Variants in AGMO observed in about 807,000 individuals in gnomAD.
The protein encoded by AGMO is alkylglycerol monooxygenase, also known as glyceryl-ether monooxygenase.
Under a neutral mutation model 60.2 loss-of-function variants are expected in AGMO, and 75 were observed. That is an observed-to-expected ratio of 1.25 (90% CI 1.03 to 1.51). The LOEUF (loss-of-function observed/expected upper bound fraction) is 1.51, where lower values mean the gene tolerates loss of function less well. AGMO is among the 40% of genes most tolerant of loss of function. The probability of loss-of-function intolerance (pLI) is 0.00; values close to 1 mark genes in which losing one functional copy is unlikely to be tolerated. For missense variants in AGMO, 763 were observed against 525.5 expected (o/e 1.45, Z -4.42); for synonymous variants, 261 against 177.1 (o/e 1.47, Z -3.76).
intron 10 of AGMO, among the ~76,000 whole-genome samples, chr7:15,382,607 G>A (rs947246923): frequency 1.3e-5 from 2 of 152,144 alleles, no homozygotes; most frequent in African/African-American, 4.8e-5. Context: ...AAGCTGTAAG[G>A]GCAGGATGAC....
intron 2 of AGMO, among the ~76,000 whole-genome samples, chr7:15,558,807 C>T (rs1562573503): frequency 6.6e-6 from 1 of 151,756 alleles, no homozygotes; most frequent in South Asian, 2.1e-4. Flanking sequence ...ATTATTCCAC[C>T]TTTTTTAGAT....
chr7:15,118,209 C>T, the AGMO span, among the ~76,000 whole-genome samples: 16 of 149,358 alleles, frequency 1.1e-4, no homozygotes, highest in South Asian at 4.2e-4. Flanking sequence ...CACACACACA[C>T]ATATATACAA....
intron 12 of AGMO, among the ~76,000 whole-genome samples, chr7:15,283,898 G>A (rs371882981): frequency 1.3e-5 from 2 of 151,900 alleles, no homozygotes; most frequent in South Asian, 2.1e-4. Flanking sequence ...GACCACAGTG[G>A]AATAAAACTA....
chr7:15,536,398 T>A (rs759822114), intron 3 of AGMO, among the ~76,000 whole-genome samples: 1 of 151,966 alleles, frequency 6.6e-6, no homozygotes, highest in African/African-American at 2.4e-5. Context: ...TTTACCAGCA[T>A]CATCATTTCA....
At chr7:15,435,366 C>A (rs1014343558) in intron 3 of AGMO, among the ~76,000 whole-genome samples, 1 of 151,574 alleles carries the variant, frequency 6.6e-6, no homozygotes, top group Non-Finnish European at 1.5e-5. Context: ...AGTTGCTCCA[C>A]ATCTCTGGCA....
At chr7:15,279,564 T>C (rs1258491975) in intron 12 of AGMO, among the ~76,000 whole-genome samples, 1 of 152,096 alleles carries the variant, frequency 6.6e-6, no homozygotes, top group Non-Finnish European at 1.5e-5. Flanking sequence ...AATGTTAACA[T>C]GCCCCTCCAA....
chr7:15,246,946 C>T (rs531850483), intron 12 of AGMO, among the ~76,000 whole-genome samples: 3 of 152,200 alleles, frequency 2.0e-5, no homozygotes, highest in Admixed American at 1.3e-4. Flanking sequence ...GCTGGGATTA[C>T]AGGCATGCAC....
chr7:15,371,803 C>G (rs1264681225), intron 10 of AGMO, among the ~76,000 whole-genome samples: 1 of 152,086 alleles, frequency 6.6e-6, no homozygotes, highest in African/African-American at 2.4e-5. Flanking sequence ...TCCCAATGTA[C>G]TGGGATTTAT....
At chr7:15,380,847 G>T (rs528081473) in intron 10 of AGMO, among the ~76,000 whole-genome samples, 91 of 152,188 alleles carry the variant, frequency 6.0e-4, no homozygotes, top group African/African-American at 1.9e-3. Context: ...TAGACCAATG[G>T]AACAGAACAG....
chr7:15,211,227 T>A (rs1195478974), intron 12 of AGMO, among the ~76,000 whole-genome samples: 3 of 152,036 alleles, frequency 2.0e-5, no homozygotes, highest in East Asian at 1.9e-4. Context: ...CTTACTTTTT[T>A]AAATTATAAA....
chr7:15,488,399 C>G (rs186862694), intron 3 of AGMO, among the ~76,000 whole-genome samples: 110 of 152,266 alleles, frequency 7.2e-4, no homozygotes, highest in Non-Finnish European at 2.5e-4. Context: ...GAGAAACACA[C>G]TAAAGCACAT....
chr7:15,373,915 A>C (rs565612746), intron 10 of AGMO, among the ~76,000 whole-genome samples: 1 of 152,326 alleles, frequency 6.6e-6, no homozygotes, highest in African/African-American at 2.4e-5. Context: ...AATGAGGCTA[A>C]TATTGCCTAA....
chr7:15,330,758 T>A (rs1173839787), intron 12 of AGMO, among the ~76,000 whole-genome samples: 1 of 152,174 alleles, frequency 6.6e-6, no homozygotes, highest in Admixed American at 6.6e-5. Context: ...GGTCTGGGCT[T>A]GCTAGTTATG....
Position 15,393,641 on chromosome 7 carries a change from C to T in AGMO, c.676+472G>A, listed in dbSNP as rs541715147. On this transcript the variant is annotated intron_variant, in intron 6 of 12. Coordinates refer to ENST00000342526, the MANE Select transcript of AGMO (RefSeq NM_001004320.2). The stretch of plus-strand genomic sequence containing the variant: ...ACTTGGGATTTTCTCGTCAGGGAAA[C>T]GCAGCTTATACTGAGATTGTTCAAC... Among the ~76,000 whole-genome samples, 30 of 152,218 alleles carry T rather than the reference C, an allele frequency of 2.0e-4. 2 individuals are homozygous for T. The South Asian group carries it at 6.0e-3, about 31-fold the overall frequency.
In AGMO at chr7:15,385,549, T is replaced by A. The variant is rs2128483089; in HGVS notation, c.971A>T (p.Glu324Val). 1 of 1,605,736 alleles carries A rather than the reference T, an allele frequency of 6.2e-7. No individual in the cohort carries two copies. The highest frequency in any genetic ancestry group is 1.7e-5 in the Admixed American group (1 of 59,924). Residue 324 changes from glutamate to valine, a missense_variant, in exon 10 of 13, where the codon GAA becomes GTA. Coordinates refer to ENST00000342526, the MANE Select transcript of AGMO (RefSeq NM_001004320.2). Reference sequence around the variant, plus strand: ...AGATGAAGATGATGAGAAGGGAACTTCTTTGCCGGTGACCTAGGGAGACAA... The same window carrying A: ...AGATGAAGATGATGAGAAGGGAACTACTTTGCCGGTGACCTAGGGAGACAA... ...SEEIPEVTGK[E>V]VPFSSSSSQL...
intron 12 of AGMO, among the ~76,000 whole-genome samples, chr7:15,259,622 C>G (rs953260015): frequency 6.6e-6 from 1 of 151,892 alleles, no homozygotes; most frequent in Non-Finnish European, 1.5e-5. Context: ...TATCTAAAGG[C>G]AAGACAAAGG....
At chr7:15,202,067 G>A (rs1026068501) in intron 12 of AGMO, among the ~76,000 whole-genome samples, 2 of 152,040 alleles carry the variant, frequency 1.3e-5, no homozygotes, top group African/African-American at 4.8e-5. Flanking sequence ...TTGCTTTCCT[G>A]ATCACCATTT....
At chr7:15,212,487 C>G (rs987292475) in intron 12 of AGMO, among the ~76,000 whole-genome samples, 2 of 151,760 alleles carry the variant, frequency 1.3e-5, no homozygotes, top group South Asian at 4.1e-4. Context: ...TTGTACAGAC[C>G]TTATTTCTAA....
chr7:15,447,697 C>T (rs1781736756), intron 3 of AGMO, among the ~76,000 whole-genome samples: 2 of 152,060 alleles, frequency 1.3e-5, no homozygotes, highest in South Asian at 2.1e-4. Context: ...ACTACAGACA[C>T]ACGCCACCAC....
Sources: gnomAD v4.1 joint callset for allele counts (sites outside exome capture counted in the v4.1 genomes callset) on GRCh38, gnomAD v4.1.1 for gene constraint, MANE v1.5 for transcripts, NCBI Gene and HGNC (gene_info 2026-07-23, HGNC 2026-07-21) for gene names.